Variants in FOXP1 observed in about 807,000 individuals in gnomAD.
FOXP1 encodes forkhead box P1.
A neutral mutation model predicts 98.2 loss-of-function variants in FOXP1; 15 were observed. The observed-to-expected ratio is 0.15, with a 90% CI of 0.10 to 0.24. FOXP1 has a LOEUF of 0.24. Among genes scored for constraint, FOXP1 ranks in the 10% least tolerant of loss-of-function variants. The pLI is 1.00. For synonymous variants in FOXP1, 371 were observed against 314.5 expected (o/e 1.18, Z -1.90); for missense variants, 633 against 848.5 (o/e 0.75, Z 3.15).
intron 5 of FOXP1, among the ~76,000 whole-genome samples, chr3:71,266,246 A>G (rs1015145080): frequency 6.7e-6 from 1 of 149,836 alleles, no homozygotes; most frequent in Non-Finnish European, 1.5e-5. Flanking sequence ...TATTTTTTTA[A>G]ATTTGTTTAT....
At chr3:71,109,864 T>G (rs560210876) in intron 7 of FOXP1, among the ~76,000 whole-genome samples, 1 of 152,126 alleles carries the variant, frequency 6.6e-6, no homozygotes, top group South Asian at 2.1e-4. Flanking sequence ...CACACACCAG[T>G]CCACCAACCT....
At chr3:71,117,156 C>T (rs1187944674) in intron 6 of FOXP1, among the ~76,000 whole-genome samples, 1 of 152,010 alleles carries the variant, frequency 6.6e-6, no homozygotes, top group African/African-American at 2.4e-5. Context: ...AGCACAATCA[C>T]GGCTCACTGT....
chr3:71,035,303 T>C (rs943618336), intron 11 of FOXP1, among the ~76,000 whole-genome samples: 4 of 152,180 alleles, frequency 2.6e-5, no homozygotes, highest in African/African-American at 9.7e-5. Context: ...GTTTAACAAA[T>C]ACCCTATGAA....
At chr3:71,285,003 G>C (rs2071958658) in intron 5 of FOXP1, among the ~76,000 whole-genome samples, 1 of 148,970 alleles carries the variant, frequency 6.7e-6, no homozygotes. Context: ...TCTATTCTAT[G>C]TATGTAACAT....
chr3:71,133,598 T>A (rs900778422), intron 6 of FOXP1, among the ~76,000 whole-genome samples: 1 of 152,166 alleles, frequency 6.6e-6, no homozygotes, highest in Non-Finnish European at 1.5e-5. Context: ...GTGGTTTGAT[T>A]TTAATAGACA....
chr3:71,198,515 G>A, intron 5 of FOXP1, 123 bp from the exon 6 acceptor site: 1 of 848,502 alleles, frequency 1.2e-6, no homozygotes, highest in Non-Finnish European at 1.9e-6. Flanking sequence ...TCTGTAAACA[G>A]TTGTCATTTT....
intron 2 of FOXP1, among the ~76,000 whole-genome samples, chr3:71,567,258 T>C (rs1385563495): frequency 6.6e-6 from 1 of 151,936 alleles, no homozygotes; most frequent in Non-Finnish European, 1.5e-5. Context: ...CAGCCAAGAA[T>C]CAAGTGTTTA....
At chr3:71,089,253 T>C (rs2055517267) in intron 7 of FOXP1, among the ~76,000 whole-genome samples, 1 of 152,310 alleles carries the variant, frequency 6.6e-6, no homozygotes, top group African/African-American at 2.4e-5. Flanking sequence ...TGGATCACTC[T>C]GGGAAAAGCC....
chr3:71,415,213 T>C (rs1432051027), intron 3 of FOXP1, among the ~76,000 whole-genome samples: 2 of 152,220 alleles, frequency 1.3e-5, no homozygotes, highest in African/African-American at 4.8e-5. Context: ...CGCTCTGAGA[T>C]GTTCTCAATT....
intron 20 of FOXP1, among the ~76,000 whole-genome samples, chr3:70,964,416 T>A (rs1431095692): frequency 6.6e-6 from 1 of 152,234 alleles, no homozygotes; most frequent in Non-Finnish European, 1.5e-5. Context: ...TTCTTTATAC[T>A]AATAGGAATA....
chr3:71,033,618 A>C (rs1202352842), intron 11 of FOXP1, among the ~76,000 whole-genome samples: 17 of 151,306 alleles, frequency 1.1e-4, no homozygotes, highest in African/African-American at 3.9e-4. Context: ...AAAAAAAAAA[A>C]AAAAAAAAAC....
At chr3:71,142,098 C>T (rs1014441626) in intron 6 of FOXP1, among the ~76,000 whole-genome samples, 1 of 151,774 alleles carries the variant, frequency 6.6e-6, no homozygotes, top group African/African-American at 2.4e-5. Flanking sequence ...AATATGCTTT[C>T]AATCAAATGA....
At chr3:71,147,237 C>CT in intron 6 of FOXP1, among the ~76,000 whole-genome samples, 1 of 152,298 alleles carries the variant, frequency 6.6e-6, no homozygotes, top group Non-Finnish European at 1.5e-5. Context: ...CCAGAGGAAT[C>CT]TTTTGAAAAT....
At chr3:71,372,690 A>G (rs2079430115) in intron 3 of FOXP1, among the ~76,000 whole-genome samples, 1 of 152,222 alleles carries the variant, frequency 6.6e-6, no homozygotes, top group South Asian at 2.1e-4. Flanking sequence ...CTAAATCTAA[A>G]TATACCATGC....
chr3:71,426,873 C>G (rs1577437780), intron 3 of FOXP1, among the ~76,000 whole-genome samples: 1 of 152,110 alleles, frequency 6.6e-6, no homozygotes, highest in Non-Finnish European at 1.5e-5. Flanking sequence ...CCAGCCTGAC[C>G]AACATGGTGA....
rs527478778 is a variant in FOXP1, at chr3:71,264,073, A to G, written c.-12+35747T>C. Among the ~76,000 whole-genome samples the G allele has an allele frequency of 3.3e-5, 5 of 152,162 alleles. No homozygotes were observed. In the South Asian group the frequency reaches 1.0e-3, roughly 32 times the overall value. ...GCCAGGAAACCCAGATTCAGAAAGGATATCTGTCTAGAGAAAAATCTCATT... is the reference window on the plus strand; with the variant it reads ...GCCAGGAAACCCAGATTCAGAAAGGGTATCTGTCTAGAGAAAAATCTCATT... On this transcript the variant is annotated intron_variant, in intron 5 of 20. Coordinates refer to ENST00000649528, the MANE Select transcript of FOXP1 (RefSeq NM_001349338.3).
At chr3:71,276,775 C>T (rs2070940508) in intron 5 of FOXP1, among the ~76,000 whole-genome samples, 1 of 152,008 alleles carries the variant, frequency 6.6e-6, no homozygotes, top group South Asian at 2.1e-4. Flanking sequence ...TATCCTCCTT[C>T]TAGGTGTTTG....
At chr3:71,552,433 C>T (rs965345785) in intron 2 of FOXP1, among the ~76,000 whole-genome samples, 9 of 151,612 alleles carry the variant, frequency 5.9e-5, no homozygotes, top group Admixed American at 1.3e-4. Flanking sequence ...AAAAGGAATA[C>T]TTGAATAAAT....
chr3:71,544,633 T>C (rs1039630978), intron 2 of FOXP1, among the ~76,000 whole-genome samples: 18 of 152,192 alleles, frequency 1.2e-4, no homozygotes, highest in African/African-American at 4.3e-4. Context: ...CCATTTTATA[T>C]GTGGGGTGGT....
Sources: gnomAD v4.1 joint callset for allele counts (sites outside exome capture counted in the v4.1 genomes callset) on GRCh38, gnomAD v4.1.1 for gene constraint, MANE v1.5 for transcripts, NCBI Gene and HGNC (gene_info 2026-07-23, HGNC 2026-07-21) for gene names.